TDRKH: variants seen among roughly 807,000 people sequenced by gnomAD.
The protein encoded by TDRKH is tudor and KH domain-containing protein.
In TDRKH, 28 loss-of-function variants were observed where a neutral mutation model predicts 61.3. The ratio of observed to expected loss-of-function variants is 0.46; its 90% confidence interval spans 0.34 to 0.63. The LOEUF (loss-of-function observed/expected upper bound fraction) is 0.63. TDRKH is among the 20% of genes least tolerant of loss of function. TDRKH has a pLI of 0.01. For missense variants in TDRKH, 540 were observed against 683.4 expected, an observed-to-expected ratio of 0.79 and a Z score of 2.34; for synonymous variants, 219 against 244.4, an observed-to-expected ratio of 0.90 and a Z score of 0.97.
chr1:151,768,118 G>C (rs1369909951), downstream of TDRKH: 4 of 1,613,868 alleles, frequency 2.5e-6, no homozygotes, highest in Non-Finnish European at 3.4e-6. Context: ...AGTACAGTTA[G>C]ACTTTCACTT....
At chr1:151,768,087 C>A (rs535529518), downstream of TDRKH, 5 of 1,613,990 alleles carry the variant, frequency 3.1e-6, no homozygotes, top group East Asian at 6.7e-5. Flanking sequence ...TGGCTACTGA[C>A]CCCCTGCTCC....
chr1:151,766,773 A>G, downstream of TDRKH: 1 of 1,570,884 alleles, frequency 6.4e-7, no homozygotes, highest in Non-Finnish European at 8.6e-7. Flanking sequence ...TTATATCAAG[A>G]GGGGAAAAAC....
At chr1:151,783,079 A>G (rs1332973120) in intron 1 of TDRKH, 30 bp from the exon 2 acceptor site, 20 of 1,587,336 alleles carry the variant, frequency 1.3e-5, no homozygotes, top group Non-Finnish European at 1.6e-5. Context: ...GAAAAGAGGG[A>G]GGTTTCATCC....
At chr1:151,766,724 G>C (rs1648370567), downstream of TDRKH, 1 of 1,551,990 alleles carries the variant, frequency 6.4e-7, no homozygotes, top group Middle Eastern at 1.7e-4. Flanking sequence ...CTGAAAAACT[G>C]CCTTGTAAGA....
Position 151,778,936 on chromosome 1 carries a change from C to A in TDRKH, c.632G>T (p.Arg211Met), listed in dbSNP as rs1356122605. 6.2e-7 allele frequency: 1 copy of A among 1,614,220 alleles called. No homozygotes were observed. The highest frequency in any genetic ancestry group is 8.5e-7 in the Non-Finnish European group (1 of 1,180,044). Residue 211 changes from arginine (R) to methionine (M), a missense_variant, in exon 6 of 13, where the codon AGG (arginine) becomes ATG (methionine). Physicochemically the swap from Arg to Met is moderately conservative, Grantham distance 91 (BLOSUM62 -1). Around this residue, in one of 3 missense-constraint regions of TDRKH, gnomAD observed 379 missense variants for 443.8 expected, o/e 0.85. Coordinates refer to ENST00000368824, the MANE Select transcript of TDRKH (RefSeq NM_001083965.2). ...ACTGATTGGCTGTTTGCGTGGGACC[C>A]TGGTTTCTGCAGAATGAGCAATTCT... ...RKRIAHSAETRVPRKQPISVR... is the reference protein window; with the variant it reads ...RKRIAHSAETMVPRKQPISVR...
chr1:151,781,613 C>A (rs766188939), intron 2 of TDRKH, 26 bp from the exon 3 acceptor site: 2 of 1,606,444 alleles, frequency 1.2e-6, no homozygotes, highest in South Asian at 2.2e-5. Flanking sequence ...TTCATCAGAT[C>A]AGACTTAGAT....
intron 1 of TDRKH, among the ~76,000 whole-genome samples, chr1:151,784,047 C>T (rs1385871195): frequency 6.6e-6 from 1 of 152,184 alleles, no homozygotes; most frequent in Non-Finnish European, 1.5e-5. Context: ...TCTCGTGCTG[C>T]CTCCTCCAAC....
downstream of TDRKH, chr1:151,771,260 C>T (rs1415993425): frequency 6.2e-7 from 1 of 1,600,536 alleles, no homozygotes; most frequent in Admixed American, 1.7e-5. Context: ...GAAGCCTTGA[C>T]ACATGGAATC....
At position 151,775,409 on chromosome 1, in the gene TDRKH, C is replaced by G; in HGVS notation, c.1417G>C (p.Asp473His). Reference sequence around the variant, plus strand: ...AGTCTTACCTTCCCATTGCTAGTATCATATAAGTAGATCTTTGGCCAAGTT... The same window carrying G: ...AGTCTTACCTTCCCATTGCTAGTATGATATAAGTAGATCTTTGGCCAAGTT... ...ISTWPKIYLY[D>H]TSNGKKLDIG... is the part of the protein sequence containing the mutation. The change falls in exon 10 of 13, where the codon GAT becomes CAT. Residue 473 changes from aspartate (D) to histidine (H), a missense_variant. By Grantham distance (81) the Asp-to-His change is moderately conservative. Transcript: ENST00000368824. 2 of 1,613,232 alleles carry G rather than the reference C, an allele frequency of 1.2e-6. No individual in the cohort carries two copies. Among genetic ancestry groups the G allele is most frequent in the Non-Finnish European group, 1.7e-6 (2 of 1,179,688 alleles).
downstream of TDRKH, chr1:151,771,417 A>G: frequency 7.9e-7 from 1 of 1,271,518 alleles, no homozygotes; most frequent in Non-Finnish European, 1.0e-6. Context: ...TTCACTGAAA[A>G]GATCACAGGG....
At chr1:151,767,043 C>T, downstream of TDRKH, 1 of 1,464,052 alleles carries the variant, frequency 6.8e-7, no homozygotes, top group Admixed American at 1.9e-5. Context: ...TGGTTGGGCC[C>T]AGGAACATAG....
chr1:151,788,577 G>A (rs1444269024), intron 1 of TDRKH, among the ~76,000 whole-genome samples: 2 of 152,192 alleles, frequency 1.3e-5, no homozygotes, highest in African/African-American at 4.8e-5. Context: ...AGGGACTACA[G>A]AACTTATTTG....
chr1:151,771,908 A>G (rs1648726967), downstream of TDRKH: 1 of 398,490 alleles, frequency 2.5e-6, no homozygotes, highest in South Asian at 1.3e-4. Context: ...ACCTCTAAAG[A>G]GTAAAGGTTC....
intron 10 of TDRKH, 91 bp from the exon 11 acceptor site, chr1:151,775,257 C>T (rs1781421): frequency 0.47 from 735,152 of 1,555,264 alleles, 180,078 homozygotes; most frequent in Non-Finnish European, 0.51. Context: ...ACTTTAAAGA[C>T]ATTCCTTTGG....
chr1:151,775,892 A>T lies in TDRKH; in HGVS notation c.1218-8T>A, dbSNP rs368969625. 3.1e-5 allele frequency: 50 copies of T among 1,610,142 alleles called. No individual in the cohort carries two copies. The highest frequency in any genetic ancestry group is 5.5e-5 in the South Asian group (5 of 90,996). On this transcript the variant is annotated splice_region_variant and splice_polypyrimidine_tract_variant and intron_variant, in intron 8 of 12. Coordinates refer to ENST00000368824, the MANE Select transcript of TDRKH (RefSeq NM_001083965.2). ...AGGCTTAGGAAGTCACTCCTGAAGT[A>T]AAAGAAACTAAAATTAGAATCCTGG...
At chr1:151,787,462 C>T (rs1436623144) in intron 1 of TDRKH, among the ~76,000 whole-genome samples, 1 of 152,098 alleles carries the variant, frequency 6.6e-6, no homozygotes, top group Non-Finnish European at 1.5e-5. Context: ...CATGATCCGC[C>T]CACCTCGGCC....
chr1:151,776,283 G>C lies in TDRKH; in HGVS notation c.1045-15C>G. The C allele has an allele frequency of 6.2e-7, 1 of 1,611,110 alleles. No individual in the cohort carries two copies. On this transcript the variant is annotated splice_polypyrimidine_tract_variant and intron_variant, in intron 7 of 12. Coordinates refer to ENST00000368824, the MANE Select transcript of TDRKH (RefSeq NM_001083965.2). ...AAGTCTTCAGGCTGTATGTGGGGAG[G>C]AGGAGAAAGGCAGAGAGTTACAAAG... is the stretch of plus-strand genomic sequence containing the variant.
intron 4 of TDRKH, 113 bp from the exon 5 acceptor site, chr1:151,779,355 G>T: frequency 7.3e-7 from 1 of 1,367,338 alleles, no homozygotes; most frequent in South Asian, 1.6e-5. Context: ...CATTTCTAAA[G>T]TGAACAAAAT....
chr1:151,781,212 G>A (rs2101604236), intron 3 of TDRKH, among the ~76,000 whole-genome samples: 1 of 151,194 alleles, frequency 6.6e-6, no homozygotes, highest in South Asian at 2.1e-4. Context: ...AGCTACTCGG[G>A]AGGCTGAGGC....
Sources: gnomAD v4.1 joint callset for allele counts (sites outside exome capture counted in the v4.1 genomes callset) on GRCh38, gnomAD v4.1.1 for gene constraint, gnomAD v4.1.1 regional missense constraint, MANE v1.5 for transcripts, NCBI Gene and HGNC (gene_info 2026-07-23, HGNC 2026-07-21) for gene names.